The following EPRS1 variants were observed in gnomAD, a reference collection of about 807,000 sequenced individuals.
The protein encoded by EPRS1 is glutamyl-prolyl-tRNA synthetase 1.
EPRS1 carries 107 observed loss-of-function variants against 188.3 expected under a neutral mutation model. That is an observed-to-expected ratio of 0.57 (90% CI 0.49 to 0.67). The LOEUF (loss-of-function observed/expected upper bound fraction) is 0.67, where lower values mean the gene tolerates loss of function less well. Ranked by LOEUF, EPRS1 falls within the 30% of genes least tolerant of loss-of-function variation. EPRS1 has a pLI of 0.00. For synonymous variants in EPRS1, 596 were observed against 593.1 expected, an observed-to-expected ratio of 1.00 and a Z score of -0.07; for missense variants, 1,577 against 1,802.2, an observed-to-expected ratio of 0.88 and a Z score of 2.26.
intron 11 of EPRS1, 122 bp downstream of exon 11, chr1:220,018,873 C>T (rs1661797477): frequency 3.6e-6 from 2 of 557,682 alleles, no homozygotes; most frequent in South Asian, 3.8e-5. Context: ...AAAATCTGCC[C>T]TTGGATCATA....
intron 12 of EPRS1, among the ~76,000 whole-genome samples, chr1:220,012,194 C>T (rs1354194017): frequency 6.7e-6 from 1 of 149,490 alleles, no homozygotes; most frequent in Non-Finnish European, 1.5e-5. Flanking sequence ...AAATCAGTAC[C>T]AGCCTTTTTC....
intron 14 of EPRS1, among the ~76,000 whole-genome samples, chr1:220,006,788 A>G (rs1393369176): frequency 6.6e-6 from 1 of 152,220 alleles, no homozygotes; most frequent in African/African-American, 2.4e-5. Context: ...TAAGTGTAGC[A>G]CACTATAGTA....
At chr1:220,017,683 A>G (rs1191419378) in intron 12 of EPRS1, among the ~76,000 whole-genome samples, 1 of 152,130 alleles carries the variant, frequency 6.6e-6, no homozygotes, top group African/African-American at 2.4e-5. Flanking sequence ...AATTTAAAAC[A>G]TGGCATTTGA....
chr1:219,981,500 T>G (rs1660899145), intron 23 of EPRS1, 43 bp from the exon 24 acceptor site: 1 of 1,327,586 alleles, frequency 7.5e-7, no homozygotes, highest in Non-Finnish European at 1.1e-6. Flanking sequence ...TAAGGCTTTA[T>G]TTCTCCTTTA....
intron 1 of EPRS1, among the ~76,000 whole-genome samples, chr1:220,043,879 G>A (rs766546199): frequency 6.6e-6 from 1 of 152,126 alleles, no homozygotes; most frequent in Admixed American, 6.6e-5. Context: ...AGCATAATAC[G>A]GGATTTTGAT....
Position 220,031,108 on chromosome 1 carries a change from T to G in EPRS1, c.529-628A>C, listed in dbSNP as rs1033986811. On this transcript the variant is annotated intron_variant, in intron 5 of 31. Transcript: ENST00000366923. The stretch of plus-strand genomic sequence containing the variant: ...TCTGTCTCAAAAAAAAAAAAAAAAG[T>G]ATATGGGGTATTCATTCTAAGTAAA... Among the ~76,000 whole-genome samples the G allele has an allele frequency of 1.8e-3, 248 of 139,966 alleles. No individual in the cohort carries two copies. In the Middle Eastern group the frequency reaches 0.019, roughly 10 times the overall value. The allele number at this position is 139,966 out of a possible 152,430, so 91.8% of individuals were successfully genotyped here. A position where few individuals can be genotyped will look rare whatever the true frequency, so the allele number is the denominator to read the frequency against.
At chr1:219,991,227 TA>T (rs61141405) in intron 18 of EPRS1, among the ~76,000 whole-genome samples, 5,747 of 123,458 alleles carry the variant, frequency 0.047, 273 homozygotes, top group African/African-American at 0.13. Flanking sequence ...GGAGTGACCT[TA>T]AAAAAAAAAA....
At chr1:220,042,814 G>A (rs554447939) in intron 1 of EPRS1, among the ~76,000 whole-genome samples, 6 of 151,948 alleles carry the variant, frequency 3.9e-5, no homozygotes, top group Admixed American at 1.3e-4. Context: ...CCAGCTACTC[G>A]GGAGGCTGAG....
At chr1:220,031,495 G>A (rs895052960) in intron 5 of EPRS1, among the ~76,000 whole-genome samples, 7 of 152,216 alleles carry the variant, frequency 4.6e-5, no homozygotes, top group African/African-American at 1.7e-4. Flanking sequence ...AGTCATAACA[G>A]GACTCGTTGA....
intron 2 of EPRS1, among the ~76,000 whole-genome samples, chr1:220,036,428 C>A (rs2647452): frequency 0.82 from 124,533 of 151,722 alleles, 51,171 homozygotes; most frequent in East Asian, 0.93. Context: ...ACATGGAATC[C>A]ACCTAAATGC....
At chr1:220,027,736 A>G (rs1033960009) in intron 6 of EPRS1, among the ~76,000 whole-genome samples, 34 of 152,234 alleles carry the variant, frequency 2.2e-4, no homozygotes, top group Middle Eastern at 6.8e-3. Context: ...TAATCCCGAC[A>G]CTATGGGAGG....
At chr1:220,015,789 T>A (rs1661690673) in intron 12 of EPRS1, among the ~76,000 whole-genome samples, 1 of 83,066 alleles carries the variant, frequency 1.2e-5, no homozygotes, top group South Asian at 3.7e-4. Flanking sequence ...AGCAAGAAGG[T>A]AATATAAAAA....
chr1:220,036,894 A>T (rs933938675), intron 2 of EPRS1, among the ~76,000 whole-genome samples: 1 of 151,832 alleles, frequency 6.6e-6, no homozygotes, highest in Non-Finnish European at 1.5e-5. Context: ...ATAAAACAAG[A>T]TACTAAAAAA....
At chr1:220,017,054 A>C (rs1289387877) in intron 12 of EPRS1, among the ~76,000 whole-genome samples, 1 of 152,022 alleles carries the variant, frequency 6.6e-6, no homozygotes, top group South Asian at 2.1e-4. Flanking sequence ...CTCTACTAAA[A>C]ATACAAAAAT....
rs1298713508 is a variant in EPRS1 at position 219,997,249 on chromosome 1, C to G, written c.2275G>C (p.Val759Leu). Residue 759 changes from valine (V) to leucine (L), a missense_variant, in exon 18 of 32, where the codon GTT becomes CTT. By Grantham distance (32) the Val-to-Leu change is conservative. Around this residue, in one of 3 missense-constraint regions of EPRS1, gnomAD observed 1,278 missense variants for 1,457.4 expected, o/e 0.88. Transcript: ENST00000366923. ...DSLVLYNRVA[V>L]QGDVVRELKA... ...AATTCACGAACCACATCTCCTTGAA[C>G]AGCCACTCTATTGTAAAGGACCAAG... The G allele has an allele frequency of 1.2e-6, 2 of 1,614,028 alleles. No individual in the cohort carries two copies.
In EPRS1 at chr1:219,979,441, G is replaced by GT; in HGVS notation, c.3885dup (p.Pro1296ThrfsTer22). On this transcript the variant is annotated frameshift_variant, in exon 27 of 32. Transcript: ENST00000366923. LOFTEE classifies it high-confidence loss of function. ...ACCTGAACACATGCTACACGGGGTG[G>GT]TAATACTAAACCCATGTTGTCCCCA... 1 of 1,613,166 alleles carries GT rather than the reference G, an allele frequency of 6.2e-7. No homozygotes were observed. Among genetic ancestry groups the GT allele is most frequent in the Non-Finnish European group, 8.5e-7 (1 of 1,179,194 alleles).
intron 18 of EPRS1, among the ~76,000 whole-genome samples, chr1:219,994,572 T>G (rs946737658): frequency 1.4e-5 from 2 of 146,166 alleles, no homozygotes; most frequent in Non-Finnish European, 3.0e-5. Flanking sequence ...ACAACAACAA[T>G]AAAAAAACAC....
intron 18 of EPRS1, among the ~76,000 whole-genome samples, chr1:219,994,318 A>C (rs1438855806): frequency 2.0e-5 from 3 of 152,246 alleles, no homozygotes; most frequent in Non-Finnish European, 4.4e-5. Flanking sequence ...TGTCTTATCC[A>C]GGGCTGGTTC....
At chr1:220,017,752 C>A (rs1661748362) in intron 12 of EPRS1, among the ~76,000 whole-genome samples, 1 of 150,972 alleles carries the variant, frequency 6.6e-6, no homozygotes. Flanking sequence ...TTAACAATGT[C>A]AATAGGCAAT....
Sources: allele counts gnomAD v4.1 joint callset (sites outside exome capture counted in the v4.1 genomes callset), GRCh38; gene constraint gnomAD v4.1.1; regional missense constraint gnomAD v4.1.1; transcripts MANE v1.5; gene names NCBI Gene and HGNC (gene_info 2026-07-23, HGNC 2026-07-21).